The following RAG1 variants were observed in gnomAD, a reference collection of about 807,000 sequenced individuals.
The protein encoded by RAG1 is V(D)J recombination-activating protein 1.
A neutral mutation model predicts 62.7 loss-of-function variants in RAG1; 35 were observed. That is an observed-to-expected ratio of 0.56 (90% CI 0.43 to 0.74). The LOEUF (loss-of-function observed/expected upper bound fraction) is 0.74, where lower values mean the gene tolerates loss of function less well. RAG1 is among the 30% of genes least tolerant of loss of function. The probability of loss-of-function intolerance (pLI) is 0.00; values close to 1 mark genes in which losing one functional copy is unlikely to be tolerated. For synonymous variants in RAG1, 461 were observed against 470.3 expected (o/e 0.98, Z 0.26); for missense variants, 1,169 against 1,278.6 (o/e 0.91, Z 1.31).
At chr11:36,559,510 A>C (rs537184025) in intron 3 of RAG1, among the ~76,000 whole-genome samples, 10 of 152,302 alleles carry the variant, frequency 6.6e-5, no homozygotes, top group Admixed American at 2.0e-4. Flanking sequence ...ATTAGTTCAC[A>C]TAATGGTATT....
upstream of RAG1, chr11:36,510,551 AC>A (rs1268102471): frequency 1.3e-5 from 2 of 152,158 alleles, no homozygotes; most frequent in Non-Finnish European, 2.9e-5. Context: ...AGCAGTGGCG[AC>A]AGTAGTAATC....
Position 36,574,538 on chromosome 11 carries a change from A to C in RAG1, c.1234A>C (p.Arg412=). The part of the protein sequence containing the change: ...LTRRAQKHRL[R]ELKLQVKAFA... Reference sequence around the variant, plus strand: ...TCGGAGAGCTCAGAAGCACCGGCTGAGGGAGCTCAAGCTGCAAGTCAAAGC... The same window carrying C: ...TCGGAGAGCTCAGAAGCACCGGCTGCGGGAGCTCAAGCTGCAAGTCAAAGC... The change falls in exon 2 of 2, where the codon AGG becomes CGG. Residue 412 remains arginine (R), a synonymous_variant. Transcript: ENST00000299440. The C allele has an allele frequency of 6.2e-7, 1 of 1,614,242 alleles. No homozygotes were observed.
chr11:36,526,535 TA>T lies in RAG1; in HGVS notation n.428+6309del, dbSNP rs1433441550. On this transcript the variant is annotated intron_variant and non_coding_transcript_variant, in intron 2 of 2. Transcript: ENST00000529126. The stretch of plus-strand genomic sequence containing the variant: ...CTTGCTATTGTGAATAGTGCCACAA[TA>T]AACATACGTGTGCATGTGTCTTCAT... Among the ~76,000 whole-genome samples, 3 of 152,200 alleles carry T rather than the reference TA, an allele frequency of 2.0e-5. No individual in the cohort carries two copies. The East Asian group carries it at 5.8e-4, about 29-fold the overall frequency.
At chr11:36,547,249 G>A (rs748531260) in intron 3 of RAG1, among the ~76,000 whole-genome samples, 2 of 152,062 alleles carry the variant, frequency 1.3e-5, no homozygotes, top group Non-Finnish European at 2.9e-5. Flanking sequence ...AAATTCAAAA[G>A]TTAGCAGAAG....
rs781240450 is a variant in RAG1, at chr11:36,573,519, A to G, written c.215A>G (p.Gln72Arg). 2.5e-6 allele frequency: 4 copies of G among 1,614,248 alleles called. No homozygotes were observed. The Admixed American group carries it at 6.7e-5, about 27-fold the overall frequency. The change falls in exon 2 of 2, where the codon CAG becomes CGG. Residue 72 changes from glutamine to arginine, a missense_variant. By Grantham distance (43) the Gln-to-Arg change is conservative. This residue lies in a region of RAG1 where 369 missense variants were observed against 335.3 expected (regional missense o/e 1.10). Coordinates refer to ENST00000299440, the MANE Select transcript of RAG1 (RefSeq NM_000448.3). The stretch of plus-strand genomic sequence containing the variant: ...GCAGTCCTGGACAAGGCTGATGGTC[A>G]GAAGCCAGTCCCAACTCAGCCATTG... ...SPAVLDKADGQKPVPTQPLLK... is the reference protein window; with the variant it reads ...SPAVLDKADGRKPVPTQPLLK...
At chr11:36,544,379 G>T (rs554539136) in intron 3 of RAG1, among the ~76,000 whole-genome samples, 61 of 152,230 alleles carry the variant, frequency 4.0e-4, no homozygotes, top group African/African-American at 1.4e-3. Flanking sequence ...GCAGCTCTAG[G>T]GGCTGGAGAT....
chr11:36,516,890 T>C (rs1463620969), intron 1 of RAG1, among the ~76,000 whole-genome samples: 1 of 152,246 alleles, frequency 6.6e-6, no homozygotes, highest in African/African-American at 2.4e-5. Flanking sequence ...TGTTAACCAC[T>C]GAACCCGGCC....
intron 3 of RAG1, among the ~76,000 whole-genome samples, chr11:36,551,487 T>G (rs1012944878): frequency 2.6e-5 from 4 of 152,106 alleles, no homozygotes; most frequent in Non-Finnish European, 5.9e-5. Context: ...ATTTTCTCTT[T>G]GTTTTCACAT....
intron 3 of RAG1, among the ~76,000 whole-genome samples, chr11:36,547,023 C>T (rs1252585210): frequency 6.6e-6 from 1 of 151,836 alleles, no homozygotes; most frequent in Non-Finnish European, 1.5e-5. Flanking sequence ...GTGAATCTGA[C>T]AATTATGTGT....
chr11:36,538,602 G>C (rs570329054), downstream of RAG1, among the ~76,000 whole-genome samples: 2 of 152,126 alleles, frequency 1.3e-5, no homozygotes, highest in Non-Finnish European at 2.9e-5. Flanking sequence ...TCTTACATGC[G>C]TCTAAAGCTG....
chr11:36,516,549 C>T (rs903361881), intron 1 of RAG1, among the ~76,000 whole-genome samples: 1 of 152,204 alleles, frequency 6.6e-6, no homozygotes, highest in Admixed American at 6.5e-5. Context: ...GTCTCGATCT[C>T]CTGACCTCGT....
intron 3 of RAG1, among the ~76,000 whole-genome samples, chr11:36,551,728 G>C (rs1283867830): frequency 2.9e-5 from 4 of 140,022 alleles, no homozygotes; most frequent in Non-Finnish European, 6.1e-5. Context: ...TCTAGCATTA[G>C]GTATATCTCC....
chr11:36,574,221 C>T lies in RAG1; in HGVS notation c.917C>T (p.Thr306Ile), dbSNP rs145962212. Residue 306 changes from threonine to isoleucine, a missense_variant, in exon 2 of 2, where the codon ACC becomes ATC. By Grantham distance (89) the Thr-to-Ile change is moderately conservative. Coordinates refer to ENST00000299440, the MANE Select transcript of RAG1 (RefSeq NM_000448.3). ...CEHILADPVETNCKHVFCRVC... is the reference protein window; with the variant it reads ...CEHILADPVEINCKHVFCRVC... The stretch of plus-strand genomic sequence containing the variant: ...CACATTCTGGCTGACCCTGTGGAGA[C>T]CAACTGTAAGCATGTCTTTTGCCGG... 23 of 1,614,174 alleles carry T rather than the reference C, an allele frequency of 1.4e-5. No individual in the cohort carries two copies. In the African/African-American group the frequency reaches 1.7e-4, roughly 12 times the overall value.
At chr11:36,563,850 A>G (rs1341706265), upstream of RAG1, among the ~76,000 whole-genome samples, 1 of 152,146 alleles carries the variant, frequency 6.6e-6, no homozygotes, top group East Asian at 1.9e-4. Context: ...TTGTAAAGAC[A>G]TTTATTGGTA....
At chr11:36,530,600 A>G (rs1038827395) in intron 2 of RAG1, among the ~76,000 whole-genome samples, 30 of 151,792 alleles carry the variant, frequency 2.0e-4, no homozygotes, top group African/African-American at 6.3e-4. Context: ...ACTTAGGAGT[A>G]TGTTGTTTAC....
At chr11:36,563,414 G>A (rs572643585), upstream of RAG1, 2 of 152,040 alleles carry the variant, frequency 1.3e-5, no homozygotes, top group Admixed American at 6.6e-5. Context: ...TCAGGACTTC[G>A]GGCTTGGACT....
At chr11:36,523,969 C>T (rs1222791556) in intron 2 of RAG1, among the ~76,000 whole-genome samples, 1 of 152,154 alleles carries the variant, frequency 6.6e-6, no homozygotes, top group Non-Finnish European at 1.5e-5. Flanking sequence ...CCACTCTCTC[C>T]TCCTCTATCC....
chr11:36,548,854 C>A (rs900588728), intron 3 of RAG1, among the ~76,000 whole-genome samples: 3 of 152,044 alleles, frequency 2.0e-5, no homozygotes, highest in East Asian at 1.9e-4. Context: ...GAGGCATCAC[C>A]CTACCTGACT....
Position 36,559,253 on chromosome 11 carries a change from T to C in RAG1, c.-411-4132T>C, listed in dbSNP as rs766054608. On this transcript the variant is annotated intron_variant and NMD_transcript_variant, in intron 3 of 9. Transcript: ENST00000534663. ...TTCCCTTATATTTGAGTTGACACTC[T>C]TCTCTTGCTGTTTTTACACTTCTCT... 3.3e-5 allele frequency among the ~76,000 whole-genome samples: 5 copies of C among 152,206 alleles called. No individual in the cohort carries two copies. In the South Asian group the frequency reaches 8.3e-4, roughly 25 times the overall value.
Sources: gnomAD v4.1 joint callset for allele counts (sites outside exome capture counted in the v4.1 genomes callset) on GRCh38, gnomAD v4.1.1 for gene constraint, gnomAD v4.1.1 regional missense constraint, MANE v1.5 for transcripts, NCBI Gene and HGNC (gene_info 2026-07-23, HGNC 2026-07-21) for gene names.